CFAP61: variants seen among roughly 807,000 people sequenced by gnomAD.
CFAP61 encodes the protein cilia- and flagella-associated protein 61.
CFAP61 carries 107 observed loss-of-function variants against 135.6 expected under a neutral mutation model. The ratio of observed to expected loss-of-function variants is 0.79; its 90% CI spans 0.67 to 0.93. CFAP61 has a LOEUF of 0.93. CFAP61 is among the 40% of genes least tolerant of loss of function. The pLI, the probability that CFAP61 is intolerant of heterozygous loss-of-function variation, is 0.00. For synonymous variants in CFAP61, 575 were observed against 578.5 expected, an observed-to-expected ratio of 0.99 and a Z score of 0.09; for missense variants, 1,507 against 1,556.2, an observed-to-expected ratio of 0.97 and a Z score of 0.53.
intron 14 of CFAP61, among the ~76,000 whole-genome samples, chr20:20,189,462 G>A (rs989763199): frequency 9.7e-5 from 12 of 123,144 alleles, no homozygotes; most frequent in Admixed American, 2.5e-4. Flanking sequence ...TACTTACGAC[G>A]CATAAGTACA....
intron 9 of CFAP61, among the ~76,000 whole-genome samples, chr20:20,148,963 C>T (rs1233181047): frequency 6.6e-6 from 1 of 152,062 alleles, no homozygotes; most frequent in Non-Finnish European, 1.5e-5. Context: ...TTTGCTGGTG[C>T]TATTTATATA....
chr20:20,325,105 C>T (rs905159233), intron 25 of CFAP61, among the ~76,000 whole-genome samples: 10 of 152,298 alleles, frequency 6.6e-5, no homozygotes, highest in African/African-American at 2.2e-4. Context: ...GACCTCCTCT[C>T]TGTAAGAAGA....
intron 13 of CFAP61, among the ~76,000 whole-genome samples, chr20:20,172,559 G>T (rs1466491602): frequency 6.6e-6 from 1 of 152,094 alleles, no homozygotes; most frequent in Non-Finnish European, 1.5e-5. Context: ...GGCTCAAGCA[G>T]TTCACCCACC....
chr20:20,158,129 A>G (rs1266874243), intron 9 of CFAP61, among the ~76,000 whole-genome samples: 1 of 148,944 alleles, frequency 6.7e-6, no homozygotes, highest in Non-Finnish European at 1.5e-5. Context: ...ATTGGGAGAT[A>G]TACCTAATGC....
At chr20:20,233,871 G>A (rs114160015) in intron 18 of CFAP61, among the ~76,000 whole-genome samples, 1,621 of 152,222 alleles carry the variant, frequency 0.011, 18 homozygotes, top group African/African-American at 0.031. Context: ...AGGCCTTTTC[G>A]ACGGGGGAAG....
chr20:20,255,661 GAGAA>G (rs913023183), intron 20 of CFAP61, among the ~76,000 whole-genome samples: 1 of 152,140 alleles, frequency 6.6e-6, no homozygotes, highest in Non-Finnish European at 1.5e-5. Flanking sequence ...TAAGAGACCT[GAGAA>G]AGACACTCCC....
intron 8 of CFAP61, among the ~76,000 whole-genome samples, chr20:20,137,335 C>T (rs778314687): frequency 6.6e-6 from 1 of 152,334 alleles, no homozygotes; most frequent in Admixed American, 6.5e-5. Flanking sequence ...CCCTTAAGGG[C>T]AACAAGTTCC....
intron 13 of CFAP61, among the ~76,000 whole-genome samples, chr20:20,184,208 T>C: frequency 6.6e-6 from 1 of 152,176 alleles, no homozygotes; most frequent in East Asian, 1.9e-4. Context: ...CAACACTCTT[T>C]ATAACTCAGT....
intron 16 of CFAP61, among the ~76,000 whole-genome samples, chr20:20,197,835 A>G (rs1474032792): frequency 6.6e-6 from 1 of 152,054 alleles, no homozygotes; most frequent in Non-Finnish European, 1.5e-5. Context: ...GTAAGATTCC[A>G]CTCATGAACT....
At chr20:20,080,523 A>G (rs2046361507) in intron 6 of CFAP61, among the ~76,000 whole-genome samples, 2 of 152,240 alleles carry the variant, frequency 1.3e-5, no homozygotes, top group Non-Finnish European at 2.9e-5. Context: ...GCATTCATAT[A>G]TAGTAGTGTA....
At chr20:20,310,498 G>A (rs918453288) in intron 25 of CFAP61, among the ~76,000 whole-genome samples, 1 of 152,184 alleles carries the variant, frequency 6.6e-6, no homozygotes. Flanking sequence ...ACCATGGTTC[G>A]TCTCTCAGCT....
chr20:20,116,529 C>T (rs1347557205), intron 8 of CFAP61, among the ~76,000 whole-genome samples: 2 of 152,088 alleles, frequency 1.3e-5, no homozygotes, highest in East Asian at 3.9e-4. Flanking sequence ...TGGAGTGTTT[C>T]CCCAATGTTT....
chr20:20,076,134 A>G (rs2046033381), intron 6 of CFAP61, among the ~76,000 whole-genome samples: 1 of 152,108 alleles, frequency 6.6e-6, no homozygotes, highest in South Asian at 2.1e-4. Context: ...CTACTCTTTG[A>G]TGTGACTTTG....
chr20:20,349,606 A>G (rs2058758081), intron 26 of CFAP61, among the ~76,000 whole-genome samples: 1 of 152,230 alleles, frequency 6.6e-6, no homozygotes, highest in African/African-American at 2.4e-5. Flanking sequence ...GCATTTAATA[A>G]TTTGAAAATG....
chr20:20,122,016 A>G (rs1208631261), intron 8 of CFAP61, among the ~76,000 whole-genome samples: 2 of 151,728 alleles, frequency 1.3e-5, no homozygotes, highest in Non-Finnish European at 2.9e-5. Flanking sequence ...TAAGTTCTTT[A>G]GTGGTGATTT....
intron 7 of CFAP61, among the ~76,000 whole-genome samples, chr20:20,092,281 T>C (rs986517695): frequency 6.6e-6 from 1 of 152,246 alleles, no homozygotes; most frequent in Admixed American, 6.5e-5. Context: ...TAGCAGCTAT[T>C]GTAAAAATTA....
chr20:20,289,802 C>T (rs1258647372), intron 23 of CFAP61, among the ~76,000 whole-genome samples: 1 of 152,252 alleles, frequency 6.6e-6, no homozygotes, highest in East Asian at 1.9e-4. Context: ...CCAGAGCTGG[C>T]ACAGGCCCAG....
chr20:20,154,429 A>G (rs2052710572), intron 9 of CFAP61, among the ~76,000 whole-genome samples: 2 of 152,276 alleles, frequency 1.3e-5, no homozygotes, highest in South Asian at 4.1e-4. Flanking sequence ...CTATTCACTG[A>G]TAATGTGATT....
intron 17 of CFAP61, among the ~76,000 whole-genome samples, chr20:20,216,652 G>C (rs751314091): frequency 6.6e-6 from 1 of 152,086 alleles, no homozygotes; most frequent in Non-Finnish European, 1.5e-5. Flanking sequence ...TTTTATTTTC[G>C]TAACTACTTC....
Sources: allele counts gnomAD v4.1 joint callset (sites outside exome capture counted in the v4.1 genomes callset), GRCh38; gene constraint gnomAD v4.1.1; transcripts MANE v1.5; gene names NCBI Gene and HGNC (gene_info 2026-07-23, HGNC 2026-07-21).